The following NINJ2 variants were observed in gnomAD, a reference collection of about 807,000 sequenced individuals.
The protein encoded by NINJ2 is ninjurin-2.
NINJ2 carries 12 observed loss-of-function variants against 11.7 expected under a neutral mutation model. That is an observed-to-expected ratio of 1.02 (90% CI 0.66 to 1.66). The LOEUF (loss-of-function observed/expected upper bound fraction) is 1.66, where lower values mean the gene tolerates loss of function less well. Ranked by LOEUF, NINJ2 falls within the 40% of genes most tolerant of loss-of-function variation. The pLI is 0.00. For synonymous variants in NINJ2, 93 were observed against 76.8 expected (o/e 1.21, Z -1.10); for missense variants, 187 against 181.8 (o/e 1.03, Z -0.16).
At chr12:639,353 G>T (rs1334437752) in intron 1 of NINJ2, among the ~76,000 whole-genome samples, 2 of 152,142 alleles carry the variant, frequency 1.3e-5, no homozygotes, top group African/African-American at 4.8e-5. Context: ...ATAAGACACT[G>T]AGGCACAGAG....
chr12:566,437 C>T (rs114084143), intron 1 of NINJ2, among the ~76,000 whole-genome samples: 5,684 of 152,246 alleles, frequency 0.037, 220 homozygotes, highest in African/African-American at 0.1. Flanking sequence ...CTTCACACAT[C>T]TGGCTGGAGA....
intron 1 of NINJ2, among the ~76,000 whole-genome samples, chr12:593,029 G>GA (rs1947736423): frequency 6.7e-6 from 1 of 150,342 alleles, no homozygotes; most frequent in Non-Finnish European, 1.5e-5. Flanking sequence ...ATGCAATCAA[G>GA]AAAAAAACAG....
chr12:655,297 A>T (rs1050121238), intron 1 of NINJ2, among the ~76,000 whole-genome samples: 4 of 152,218 alleles, frequency 2.6e-5, no homozygotes, highest in Admixed American at 2.6e-4. Flanking sequence ...AAATGAAGGG[A>T]CTACAGATTG....
chr12:622,698 C>T (rs1021648847), intron 1 of NINJ2, among the ~76,000 whole-genome samples: 5 of 152,112 alleles, frequency 3.3e-5, no homozygotes, highest in African/African-American at 7.2e-5. Context: ...TTTAACTTTT[C>T]GGGTCACAGA....
At chr12:617,446 C>T (rs1319074881) in intron 1 of NINJ2, among the ~76,000 whole-genome samples, 1 of 152,220 alleles carries the variant, frequency 6.6e-6, no homozygotes, top group African/African-American at 2.4e-5. Flanking sequence ...TTCCTTCTGC[C>T]TCCAGACCTG....
Position 565,397 on chromosome 12 carries a change from C to G in NINJ2, c.267G>C (p.Arg89=). The part of the protein sequence containing the change: ...VIGVLLVVIA[R]LNLNEVEKQW... ...GCTTTTCTACCTCATTCAGGTTCAG[C>G]CGTGCTGCAGGGAAGTGGAGTGGGG... is the stretch of plus-strand genomic sequence containing the variant. Residue 89 remains arginine (R), a synonymous_variant, in exon 3 of 4, where the codon CGG becomes CGC. Transcript: ENST00000305108. 6.2e-7 allele frequency: 1 copy of G among 1,613,832 alleles called. No homozygotes were observed. Among genetic ancestry groups the G allele is most frequent in the Non-Finnish European group, 8.5e-7 (1 of 1,179,922 alleles).
At chr12:615,247 A>C (rs1280091829) in intron 1 of NINJ2, among the ~76,000 whole-genome samples, 1 of 152,202 alleles carries the variant, frequency 6.6e-6, no homozygotes, top group African/African-American at 2.4e-5. Context: ...GAGGAGCATG[A>C]TTTTTTTAAA....
chr12:662,968 C>CT (rs767861770), intron 1 of NINJ2, among the ~76,000 whole-genome samples: 12 of 28,992 alleles, frequency 4.1e-4, no homozygotes, highest in South Asian at 1.3e-3. Flanking sequence ...CCTGTCTCCC[C>CT]GGCAGCTCTA....
intron 1 of NINJ2, among the ~76,000 whole-genome samples, chr12:593,024 A>G (rs1380252863): frequency 1.3e-5 from 2 of 152,184 alleles, no homozygotes; most frequent in African/African-American, 4.8e-5. Flanking sequence ...TAAAAATGCA[A>G]TCAAGAAAAA....
intron 1 of NINJ2, among the ~76,000 whole-genome samples, chr12:619,347 G>A (rs561010115): frequency 6.6e-6 from 1 of 152,340 alleles, no homozygotes; most frequent in South Asian, 2.1e-4. Context: ...AATGGCCAAA[G>A]AGAACATGCT....
chr12:657,576 G>A (rs1416022110), intron 1 of NINJ2, among the ~76,000 whole-genome samples: 1 of 152,110 alleles, frequency 6.6e-6, no homozygotes, highest in Non-Finnish European at 1.5e-5. Context: ...AAGACAGAGC[G>A]AGACTCCTTC....
intron 1 of NINJ2, among the ~76,000 whole-genome samples, chr12:612,783 T>C (rs952971296): frequency 6.6e-6 from 1 of 152,162 alleles, no homozygotes; most frequent in Admixed American, 6.5e-5. Context: ...CTGATCCTTG[T>C]AAAGATCTGT....
intron 1 of NINJ2, among the ~76,000 whole-genome samples, chr12:656,225 G>A (rs948110922): frequency 6.6e-6 from 1 of 151,246 alleles, no homozygotes; most frequent in Non-Finnish European, 1.5e-5. Flanking sequence ...TTAGCTGGGC[G>A]TGGTGGTGGG....
chr12:620,654 G>A (rs554630482), intron 1 of NINJ2, among the ~76,000 whole-genome samples: 5 of 148,336 alleles, frequency 3.4e-5, no homozygotes, highest in Admixed American at 2.7e-4. Flanking sequence ...TTTTGAGACA[G>A]AGTCTTACTC....
At chr12:654,678 G>C (rs902992579) in intron 1 of NINJ2, among the ~76,000 whole-genome samples, 1 of 150,304 alleles carries the variant, frequency 6.7e-6, no homozygotes, top group African/African-American at 2.5e-5. Flanking sequence ...TGGATCACCT[G>C]AGGTTGGGAG....
At chr12:583,391 G>A (rs1166779477) in intron 1 of NINJ2, among the ~76,000 whole-genome samples, 1 of 152,228 alleles carries the variant, frequency 6.6e-6, no homozygotes, top group Non-Finnish European at 1.5e-5. Flanking sequence ...AAATACTAAC[G>A]AGCGAGAGAC....
intron 1 of NINJ2, among the ~76,000 whole-genome samples, chr12:656,538 C>G (rs1465860804): frequency 2.0e-5 from 3 of 151,838 alleles, no homozygotes; most frequent in Non-Finnish European, 4.4e-5. Context: ...ATCACAAGTT[C>G]AGGAGTTCGA....
intron 1 of NINJ2, among the ~76,000 whole-genome samples, chr12:598,980 G>T (rs545906306): frequency 6.6e-6 from 1 of 151,960 alleles, no homozygotes; most frequent in Non-Finnish European, 1.5e-5. Flanking sequence ...GATTACAGGC[G>T]TGAGTCACTG....
intron 1 of NINJ2, among the ~76,000 whole-genome samples, chr12:600,655 TGTGTGTGTGTGTG>T (rs1565630333): frequency 2.5e-4 from 2 of 8,010 alleles, no homozygotes; most frequent in Non-Finnish European, 5.3e-4. Flanking sequence ...TTTTTTGGGG[TGTGTGTGTGTGTG>T]TGTGTGTGTG....
Sources: gnomAD v4.1 joint callset for allele counts (sites outside exome capture counted in the v4.1 genomes callset) on GRCh38, gnomAD v4.1.1 for gene constraint, MANE v1.5 for transcripts, NCBI Gene and HGNC (gene_info 2026-07-23, HGNC 2026-07-21) for gene names.